The following TMEM14B variants were observed in gnomAD, a reference collection of about 807,000 sequenced individuals.
TMEM14B encodes the protein transmembrane protein 14B.
Under a neutral mutation model 14.8 loss-of-function variants are expected in TMEM14B, and 9 were observed. The observed-to-expected ratio is 0.61, with a 90% confidence interval of 0.37 to 1.06. TMEM14B has a LOEUF of 1.06. TMEM14B is among the 50% of genes least tolerant of loss of function. TMEM14B has a pLI of 0.01. For synonymous variants in TMEM14B, 40 were observed against 51.3 expected, an observed-to-expected ratio of 0.78 and a Z score of 0.94; for missense variants, 128 against 143.6, an observed-to-expected ratio of 0.89 and a Z score of 0.56.
rs1235813194 is a variant in TMEM14B, at chr6:10,756,544, C to CA, written c.*27dup. The CA allele has an allele frequency of 1.2e-6, 2 of 1,605,408 alleles. No homozygotes were observed. Among genetic ancestry groups the CA allele is most frequent in the Non-Finnish European group, 1.7e-6 (2 of 1,177,046 alleles). On this transcript the variant is annotated 3_prime_UTR_variant, in exon 6 of 6. Coordinates refer to ENST00000379542, the MANE Select transcript of TMEM14B (RefSeq NM_030969.5). Reference sequence around the variant, plus strand: ...CAGAAGTCATGTTCCAGCTTGGACTCATGAAGGATTAAAAATCTGCATCTT... The same window carrying CA: ...CAGAAGTCATGTTCCAGCTTGGACTCAATGAAGGATTAAAAATCTGCATCTT...
chr6:10,749,803 G>A (rs552271568), intron 3 of TMEM14B, 105 bp downstream of exon 3: 2 of 1,368,518 alleles, frequency 1.5e-6, no homozygotes, highest in Admixed American at 1.7e-5. Flanking sequence ...CAGCTTTGCT[G>A]TAGGTCCCCA....
rs754616853 is a variant in TMEM14B, at chr6:10,755,392, T to C, written c.293+160T>C. The C allele has an allele frequency of 4.0e-6, 6 of 1,514,746 alleles. No homozygotes were observed. The Admixed American group carries it at 1.2e-4, about 31-fold the overall frequency. The allele number at this position is 1,514,746 out of a possible 1,614,324, so 93.8% of individuals were successfully genotyped here. A position where few individuals can be genotyped will look rare whatever the true frequency, so the allele number is the denominator to read the frequency against. On this transcript the variant is annotated intron_variant, in intron 5 of 5. Coordinates refer to ENST00000379542, the MANE Select transcript of TMEM14B (RefSeq NM_030969.5). Reference sequence around the variant, plus strand: ...TAGGAGATGCTTCAAAAACAATAGTTGATTTAATGTCAAATGACATGAGTA... The same window carrying C: ...TAGGAGATGCTTCAAAAACAATAGTCGATTTAATGTCAAATGACATGAGTA...
downstream of TMEM14B, chr6:10,759,002 T>C: frequency 5.6e-6 from 1 of 177,756 alleles, no homozygotes; most frequent in Non-Finnish European, 1.1e-5. Flanking sequence ...CATTGCAACC[T>C]CCACCTCCCA....
At chr6:10,752,512 A>G (rs1350387846) in intron 4 of TMEM14B, among the ~76,000 whole-genome samples, 3 of 135,814 alleles carry the variant, frequency 2.2e-5, no homozygotes, top group East Asian at 2.2e-4. Context: ...GCTAGAGTGC[A>G]GTGGCGCGGT....
intron 4 of TMEM14B, among the ~76,000 whole-genome samples, chr6:10,752,128 C>T (rs1388845455): frequency 6.6e-6 from 1 of 152,024 alleles, no homozygotes; most frequent in Non-Finnish European, 1.5e-5. Context: ...AGCTCCCTCC[C>T]TCATGCTCCA....
At chr6:10,749,177 T>C (rs1771452224) in intron 1 of TMEM14B, 25 bp from the exon 2 acceptor site, 2 of 1,546,624 alleles carry the variant, frequency 1.3e-6, no homozygotes, top group Admixed American at 1.7e-5. Flanking sequence ...TTTTAACCAC[T>C]GCTGATCCGG....
chr6:10,749,700 T>C lies in TMEM14B; in HGVS notation c.100+2T>C, dbSNP rs760365626. 5 of 1,613,994 alleles carry C rather than the reference T, an allele frequency of 3.1e-6. No individual in the cohort carries two copies. The Admixed American group carries it at 8.3e-5, about 27-fold the overall frequency. ...GGATCGTTGGCTATGTAAAAACAGG[T>C]AGGGTTTTGTTGTTACTTAGCCTCT... On this transcript the variant is annotated splice_donor_variant, in intron 3 of 5. Transcript: ENST00000379542. LOFTEE classifies it high-confidence loss of function.
intron 5 of TMEM14B, chr6:10,755,460 T>C: frequency 6.9e-7 from 1 of 1,441,106 alleles, no homozygotes; most frequent in Non-Finnish European, 9.1e-7. Flanking sequence ...TGGTCCTAGC[T>C]CCTTCCTATA....
In TMEM14B at chr6:10,751,844, C is replaced by T. The variant is rs551950942; in HGVS notation, c.202+610C>T. 5.9e-5 allele frequency among the ~76,000 whole-genome samples: 9 copies of T among 152,196 alleles called. No individual in the cohort carries two copies. The South Asian group carries it at 1.2e-3, about 21-fold the overall frequency. ...CTGGAAAGGTACCCTGTGAGCAGCA[C>T]GGACAGTGAGGACAGTGAGTGGTGT... On this transcript the variant is annotated intron_variant, in intron 4 of 5. Transcript: ENST00000379542.
chr6:10,755,071 G>A, intron 4 of TMEM14B, 71 bp from the exon 5 acceptor site: 2 of 1,515,736 alleles, frequency 1.3e-6, no homozygotes, highest in South Asian at 2.4e-5. Context: ...AGATTGGTGG[G>A]GCTTGGTCTA....
intron 4 of TMEM14B, among the ~76,000 whole-genome samples, chr6:10,752,508 G>T (rs1476041109): frequency 2.1e-5 from 3 of 141,590 alleles, no homozygotes; most frequent in Admixed American, 7.4e-5. Context: ...CCAGGCTAGA[G>T]TGCAGTGGCG....
chr6:10,754,553 A>T (rs1771732847), intron 4 of TMEM14B, among the ~76,000 whole-genome samples: 1 of 152,210 alleles, frequency 6.6e-6, no homozygotes, highest in African/African-American at 2.4e-5. Context: ...GCCTAGCATG[A>T]TCTCCCTGAA....
In TMEM14B at chr6:10,753,878, C is replaced by CA. The variant is rs1263415278; in HGVS notation, c.203-1264_203-1263insA. ...TCCTAGTCCCAGTTATCCCCTCTTTCTTACCTGCATTCCCAAGGACGTTCC... is the reference window on the plus strand; with the variant it reads ...TCCTAGTCCCAGTTATCCCCTCTTTCATTACCTGCATTCCCAAGGACGTTCC... On this transcript the variant is annotated intron_variant, in intron 4 of 5. Transcript: ENST00000379542. Among the ~76,000 whole-genome samples the CA allele has an allele frequency of 2.9e-3, 435 of 152,050 alleles. 3 individuals carry two copies. Among genetic ancestry groups the CA allele is most frequent in the African/African-American group, 9.6e-3 (396 of 41,316 alleles).
chr6:10,748,334 C>A (rs1057474089), intron 1 of TMEM14B, among the ~76,000 whole-genome samples: 2 of 152,086 alleles, frequency 1.3e-5, no homozygotes, highest in African/African-American at 4.8e-5. Context: ...CAGCCTCTGC[C>A]TCCTGGGCTC....
At chr6:10,758,434 CA>C (rs1319214725), downstream of TMEM14B, among the ~76,000 whole-genome samples, 1 of 152,216 alleles carries the variant, frequency 6.6e-6, no homozygotes, top group Admixed American at 6.5e-5. Context: ...AGGCTGCCCA[CA>C]GATGAGAGGC....
At chr6:10,749,531 G>A in intron 2 of TMEM14B, 91 bp from the exon 3 acceptor site, 1 of 1,457,088 alleles carries the variant, frequency 6.9e-7, no homozygotes. Flanking sequence ...TGTGGGGAAT[G>A]ATTACCTTTT....
chr6:10,754,494 G>A (rs1388315963), intron 4 of TMEM14B, among the ~76,000 whole-genome samples: 1 of 152,120 alleles, frequency 6.6e-6, no homozygotes, highest in Non-Finnish European at 1.5e-5. Context: ...GCTTATTAAC[G>A]CCTGCTGTAA....
rs1250573041 is a variant in TMEM14B at position 10,753,884 on chromosome 6, T to G, written c.203-1258T>G. Among the ~76,000 whole-genome samples, 443 of 152,036 alleles carry G rather than the reference T, an allele frequency of 2.9e-3. 3 individuals are homozygous for G. Among genetic ancestry groups the G allele is most frequent in the African/African-American group, 9.8e-3 (404 of 41,330 alleles). ...TCCCAGTTATCCCCTCTTTCTTACC[T>G]GCATTCCCAAGGACGTTCCTTAGCT... is the stretch of plus-strand genomic sequence containing the variant. On this transcript the variant is annotated intron_variant, in intron 4 of 5. Transcript: ENST00000379542.
chr6:10,751,693 G>A (rs114611905), intron 4 of TMEM14B, among the ~76,000 whole-genome samples: 1,567 of 152,146 alleles, frequency 0.01, 57 homozygotes, highest in African/African-American at 0.035. Context: ...GCTGCGTTAC[G>A]TTTTTCACAT....
Sources: gnomAD v4.1 joint callset for allele counts (sites outside exome capture counted in the v4.1 genomes callset) on GRCh38, gnomAD v4.1.1 for gene constraint, MANE v1.5 for transcripts, NCBI Gene and HGNC (gene_info 2026-07-23, HGNC 2026-07-21) for gene names.